DYM: variants seen among roughly 807,000 people sequenced by gnomAD.
DYM encodes the protein dymeclin.
In DYM, 78 loss-of-function variants were observed where a neutral mutation model predicts 93.1. The ratio of observed to expected loss-of-function variants is 0.84; its 90% CI spans 0.70 to 1.01. DYM has a LOEUF of 1.01. DYM is among the 50% of genes least tolerant of loss of function. The pLI is 0.00. For missense variants in DYM, 789 were observed against 845.0 expected, an observed-to-expected ratio of 0.93 and a Z score of 0.82; for synonymous variants, 321 against 319.7, an observed-to-expected ratio of 1.00 and a Z score of -0.04.
intron 6 of DYM, among the ~76,000 whole-genome samples, chr18:49,338,492 TC>T (rs1345305936): frequency 6.6e-6 from 1 of 152,140 alleles, no homozygotes. Context: ...AGGGGCACTT[TC>T]CCTACTGGAT....
intron 17 of DYM, among the ~76,000 whole-genome samples, chr18:49,079,905 C>A (rs2077660243): frequency 6.6e-6 from 1 of 151,572 alleles, no homozygotes; most frequent in African/African-American, 2.4e-5. Flanking sequence ...GGCCCGTTCT[C>A]AATGAGCTGT....
intron 11 of DYM, among the ~76,000 whole-genome samples, chr18:49,258,785 C>G (rs1428815065): frequency 2.5e-4 from 4 of 15,706 alleles, no homozygotes; most frequent in African/African-American, 5.0e-4. Flanking sequence ...ATCATAGACA[C>G]ACACACACAC....
At chr18:49,183,619 A>T (rs1309743838) in intron 14 of DYM, among the ~76,000 whole-genome samples, 1 of 152,150 alleles carries the variant, frequency 6.6e-6, no homozygotes, top group Non-Finnish European at 1.5e-5. Context: ...TGAGCCTGGG[A>T]TAGTTCACTT....
chr18:49,277,446 G>C (rs1249145901), intron 10 of DYM, among the ~76,000 whole-genome samples: 1 of 152,154 alleles, frequency 6.6e-6, no homozygotes, highest in East Asian at 1.9e-4. Context: ...GGAAAGCCAA[G>C]GTATATGTTT....
intron 14 of DYM, among the ~76,000 whole-genome samples, chr18:49,168,531 A>C (rs912860369): frequency 1.3e-5 from 2 of 152,168 alleles, no homozygotes; most frequent in Admixed American, 6.5e-5. Context: ...AGATGGTGGC[A>C]GGAGATGACA....
chr18:49,221,359 G>C (rs970439245), intron 13 of DYM, among the ~76,000 whole-genome samples: 84 of 152,098 alleles, frequency 5.5e-4, no homozygotes, highest in African/African-American at 1.8e-3. Context: ...GATTCCTCAG[G>C]GATCTAGAAC....
intron 2 of DYM, among the ~76,000 whole-genome samples, chr18:49,424,887 T>C (rs2074108776): frequency 6.6e-6 from 1 of 151,888 alleles, no homozygotes; most frequent in Non-Finnish European, 1.5e-5. Context: ...CTCAACGAAA[T>C]AAAAGAGGAC....
chr18:49,145,007 G>T (rs528626649), intron 15 of DYM, among the ~76,000 whole-genome samples: 1 of 147,258 alleles, frequency 6.8e-6, no homozygotes, highest in Non-Finnish European at 1.5e-5. Flanking sequence ...GGCTGAGGCG[G>T]GAGTATTGCT....
At chr18:49,351,445 A>C (rs2065115266) in intron 6 of DYM, among the ~76,000 whole-genome samples, 1 of 152,154 alleles carries the variant, frequency 6.6e-6, no homozygotes, top group Non-Finnish European at 1.5e-5. Context: ...TAACACAAAA[A>C]ACTGCCCATA....
intron 17 of DYM, among the ~76,000 whole-genome samples, chr18:49,073,313 C>T (rs879339559): frequency 1.5e-4 from 23 of 152,300 alleles, no homozygotes; most frequent in Admixed American, 9.1e-4. Context: ...TAACACTTTT[C>T]AAGTTAATTC....
intron 10 of DYM, among the ~76,000 whole-genome samples, chr18:49,279,704 C>T (rs897788268): frequency 2.6e-5 from 4 of 152,152 alleles, no homozygotes; most frequent in African/African-American, 9.7e-5. Context: ...CCTTAGAATA[C>T]AACATACTCA....
chr18:49,129,882 T>C (rs780785603), intron 15 of DYM, among the ~76,000 whole-genome samples: 2 of 152,050 alleles, frequency 1.3e-5, no homozygotes, highest in African/African-American at 2.4e-5. Flanking sequence ...AGGGGGATGG[T>C]AGAAACATGT....
At chr18:49,387,939 T>C (rs1158917535) in intron 3 of DYM, among the ~76,000 whole-genome samples, 1 of 152,200 alleles carries the variant, frequency 6.6e-6, no homozygotes, top group Non-Finnish European at 1.5e-5. Context: ...AAGAATGCTC[T>C]ATACTAGCTT....
chr18:49,425,412 G>T (rs1007432427), intron 2 of DYM, among the ~76,000 whole-genome samples: 13 of 152,182 alleles, frequency 8.5e-5, no homozygotes, highest in South Asian at 8.3e-4. Flanking sequence ...ATTAAAGACT[G>T]ACATGTTAGA....
chr18:49,145,134 T>TATATATATATATATATATATA (rs1555778609), intron 15 of DYM, among the ~76,000 whole-genome samples: 9 of 79,570 alleles, frequency 1.1e-4, no homozygotes, highest in Non-Finnish European at 1.5e-4. Context: ...TATATATATA[T>TATATATATATATATATATATA]AATTTATATA....
At chr18:49,282,972 T>C (rs762028739) in intron 9 of DYM, among the ~76,000 whole-genome samples, 7 of 152,232 alleles carry the variant, frequency 4.6e-5, no homozygotes, top group South Asian at 2.1e-4. Context: ...AAAATCAGTA[T>C]AGACGTTCCT....
At chr18:49,211,123 C>T (rs1430970691) in intron 13 of DYM, among the ~76,000 whole-genome samples, 2 of 152,034 alleles carry the variant, frequency 1.3e-5, no homozygotes, top group African/African-American at 4.8e-5. Context: ...TAAAGAAAGA[C>T]AAAACTTAGA....
intron 15 of DYM, among the ~76,000 whole-genome samples, chr18:49,135,541 C>A (rs1041366377): frequency 2.0e-5 from 3 of 152,180 alleles, no homozygotes; most frequent in Non-Finnish European, 2.9e-5. Flanking sequence ...TACAGAGGAG[C>A]AGCTCAAGAA....
At chr18:49,059,105 TG>T (rs1243311904) in intron 17 of DYM, among the ~76,000 whole-genome samples, 4 of 152,242 alleles carry the variant, frequency 2.6e-5, no homozygotes, top group Non-Finnish European at 5.9e-5. Flanking sequence ...TGAAGAAAGA[TG>T]TTTCAAGATA....
Sources: gnomAD v4.1 joint callset for allele counts (sites outside exome capture counted in the v4.1 genomes callset) on GRCh38, gnomAD v4.1.1 for gene constraint, MANE v1.5 for transcripts, NCBI Gene and HGNC (gene_info 2026-07-23, HGNC 2026-07-21) for gene names.